ADGRG7: variants seen among roughly 807,000 people sequenced by gnomAD.
The protein encoded by ADGRG7 is G-protein coupled receptor 128.
ADGRG7 carries 82 observed loss-of-function variants against 88.6 expected under a neutral mutation model. The ratio of observed to expected loss-of-function variants is 0.93; its 90% confidence interval spans 0.77 to 1.11. The LOEUF (loss-of-function observed/expected upper bound fraction) is 1.11, where lower values mean the gene tolerates loss of function less well. ADGRG7 is among the 50% of genes most tolerant of loss of function. The probability of loss-of-function intolerance (pLI) is 0.00; values close to 1 mark genes in which losing one functional copy is unlikely to be tolerated. For synonymous variants in ADGRG7, 381 were observed against 345.2 expected (o/e 1.10, Z -1.15); for missense variants, 945 against 953.4 (o/e 0.99, Z 0.12).
At position 100,695,240 on chromosome 3, in the gene ADGRG7, C is replaced by T; in HGVS notation, c.*239C>T. 1 of 452,466 alleles carries T rather than the reference C, an allele frequency of 2.2e-6. No homozygotes were observed. The allele number at this position is 452,466 out of a possible 1,614,324, so 28.0% of individuals were successfully genotyped here. ...AATTTCACACAACATACAAGAGTAC[C>T]ATTGTTCCTTATATCGTTAAATCTT... On this transcript the variant is annotated 3_prime_UTR_variant, in exon 16 of 16. Coordinates refer to ENST00000273352, the MANE Select transcript of ADGRG7 (RefSeq NM_032787.3).
At chr3:100,655,794 A>C (rs910016691) in intron 12 of ADGRG7, 105 bp from the exon 13 acceptor site, 9 of 706,896 alleles carry the variant, frequency 1.3e-5, no homozygotes, top group Non-Finnish European at 2.3e-5. Context: ...TAGTGAAAAC[A>C]ACATACATCC....
intron 1 of ADGRG7, among the ~76,000 whole-genome samples, chr3:100,610,355 C>T (rs1707129909): frequency 6.6e-6 from 1 of 152,130 alleles, no homozygotes; most frequent in South Asian, 2.1e-4. Flanking sequence ...CATACACACA[C>T]ATGCATAACA....
In ADGRG7 at chr3:100,659,716, G is replaced by C. The variant is rs2094942612; in HGVS notation, c.1852G>C (p.Gly618Arg). ...CTGGCTGGCAATTCCAGAACCCAAT[G>C]GTGTTATAAAAAGTCCGCTGTTGTG... ...ICWLAIPEPN[G>R]VIKSPLLWSF... The change falls in exon 14 of 16, where the codon GGT (glycine) becomes CGT (arginine). Residue 618 changes from glycine (G) to arginine (R), a missense_variant. Gly to Arg is a moderately radical substitution (Grantham distance 125). Coordinates refer to ENST00000273352, the MANE Select transcript of ADGRG7 (RefSeq NM_032787.3). The C allele has an allele frequency of 6.2e-7, 1 of 1,613,634 alleles. No individual in the cohort carries two copies.
intron 14 of ADGRG7, among the ~76,000 whole-genome samples, chr3:100,663,015 C>T (rs2094947489): frequency 2.0e-5 from 3 of 152,000 alleles, no homozygotes. Context: ...ATAAAAATGT[C>T]CTACTGATCC....
chr3:100,644,363 G>T (rs997220834), intron 8 of ADGRG7, among the ~76,000 whole-genome samples: 1 of 151,984 alleles, frequency 6.6e-6, no homozygotes, highest in African/African-American at 2.4e-5. Flanking sequence ...ATTTGCTTTG[G>T]CCACATGCTT....
At chr3:100,611,304 C>CT (rs1559666918) in intron 1 of ADGRG7, among the ~76,000 whole-genome samples, 5 of 51,312 alleles carry the variant, frequency 9.7e-5, no homozygotes, top group Non-Finnish European at 4.8e-5. Context: ...TCCTTCCTTT[C>CT]TTCTTTCCTT....
At chr3:100,637,797 A>G (rs1430725386) in intron 6 of ADGRG7, among the ~76,000 whole-genome samples, 4 of 152,058 alleles carry the variant, frequency 2.6e-5, no homozygotes, top group African/African-American at 9.7e-5. Context: ...CCCAAGCTGC[A>G]CCTCACTTCT....
At chr3:100,641,233 A>T (rs1397596618) in intron 6 of ADGRG7, among the ~76,000 whole-genome samples, 1 of 152,026 alleles carries the variant, frequency 6.6e-6, no homozygotes, top group Admixed American at 6.6e-5. Context: ...GAAGTATATA[A>T]GTTTGGGATC....
chr3:100,633,218 A>C (rs1707480006), intron 3 of ADGRG7, 47 bp from the exon 4 acceptor site: 1 of 936,442 alleles, frequency 1.1e-6, no homozygotes, highest in Admixed American at 3.8e-5. Context: ...ATAGGCAATA[A>C]TTTTAATAAA....
In ADGRG7 at chr3:100,620,705, T is replaced by G. The variant is rs542814025; in HGVS notation, c.116-8893T>G. ...GCATTTTCAGCTAAACACTGGAGAA[T>G]CTGTCCCTCACAGACCCTGGCTGAA... is the stretch of plus-strand genomic sequence containing the variant. On this transcript the variant is annotated intron_variant, in intron 1 of 15. Coordinates refer to ENST00000273352, the MANE Select transcript of ADGRG7 (RefSeq NM_032787.3). Among the ~76,000 whole-genome samples, 2 of 152,340 alleles carry G rather than the reference T, an allele frequency of 1.3e-5. 1 individual carries two copies. Among genetic ancestry groups the G allele is most frequent in the East Asian group, 3.9e-4 (2 of 5,184 alleles).
chr3:100,646,356 C>T (rs527565473), intron 9 of ADGRG7, among the ~76,000 whole-genome samples: 1 of 152,264 alleles, frequency 6.6e-6, no homozygotes, highest in African/African-American at 2.4e-5. Flanking sequence ...TTGAATATCC[C>T]TCCCAACCAT....
chr3:100,674,541 AT>A, intron 15 of ADGRG7, among the ~76,000 whole-genome samples: 2 of 146,370 alleles, frequency 1.4e-5, no homozygotes, highest in African/African-American at 5.0e-5. Flanking sequence ...ATTGCATTTT[AT>A]TTGTAGCTTT....
intron 1 of ADGRG7, among the ~76,000 whole-genome samples, chr3:100,627,884 T>C (rs1045886499): frequency 5.3e-5 from 8 of 152,184 alleles, no homozygotes; most frequent in African/African-American, 1.9e-4. Context: ...CTATTCCTTC[T>C]CTTTTCCCCT....
intron 8 of ADGRG7, among the ~76,000 whole-genome samples, chr3:100,644,331 G>A (rs1470906578): frequency 6.6e-6 from 1 of 152,064 alleles, no homozygotes; most frequent in South Asian, 2.1e-4. Flanking sequence ...TCGTGAATCT[G>A]GCACTCTGGA....
chr3:100,631,089 A>G (rs1576316647), intron 3 of ADGRG7, among the ~76,000 whole-genome samples: 1 of 151,862 alleles, frequency 6.6e-6, no homozygotes, highest in African/African-American at 2.4e-5. Context: ...CTGGAGTTCA[A>G]TTAAATTGAC....
intron 1 of ADGRG7, among the ~76,000 whole-genome samples, chr3:100,617,141 A>C (rs1036021940): frequency 6.6e-5 from 10 of 152,340 alleles, no homozygotes; most frequent in African/African-American, 2.4e-4. Flanking sequence ...ACATCAGATA[A>C]AGAAAATTTA....
chr3:100,675,673 G>A (rs899584939), intron 15 of ADGRG7, among the ~76,000 whole-genome samples: 3 of 152,078 alleles, frequency 2.0e-5, no homozygotes, highest in African/African-American at 7.2e-5. Context: ...AGTAGTTTGA[G>A]TAGGATTGGT....
intron 1 of ADGRG7, 49 bp downstream of exon 1, chr3:100,610,020 C>CAGAGGTCCCATA: frequency 6.9e-7 from 1 of 1,449,388 alleles, no homozygotes; most frequent in Non-Finnish European, 9.7e-7. Flanking sequence ...AGGTATGGGA[C>CAGAGGTCCCATA]CTCTGTCCCT....
chr3:100,665,485 C>T (rs993012457), intron 14 of ADGRG7: 31 of 517,204 alleles, frequency 6.0e-5, no homozygotes, highest in Admixed American at 1.0e-4. Context: ...ATTTCCTTTC[C>T]GCCGTCAGTG....
Sources: allele counts gnomAD v4.1 joint callset (sites outside exome capture counted in the v4.1 genomes callset), GRCh38; gene constraint gnomAD v4.1.1; transcripts MANE v1.5; gene names NCBI Gene and HGNC (gene_info 2026-07-23, HGNC 2026-07-21).